RNF150: variants seen among roughly 807,000 people sequenced by gnomAD.
RNF150 encodes ring finger protein 150.
A neutral mutation model predicts 39.3 loss-of-function variants in RNF150; 24 were observed. That is an observed-to-expected ratio of 0.61 (90% CI 0.44 to 0.86). The LOEUF is 0.86. Ranked by LOEUF, RNF150 falls within the 40% of genes least tolerant of loss-of-function variation. The pLI, the probability that RNF150 is intolerant of heterozygous loss-of-function variation, is 0.00. For synonymous variants in RNF150, 255 were observed against 227.3 expected (o/e 1.12, Z -1.10); for missense variants, 502 against 587.8 (o/e 0.85, Z 1.51).
rs1349998282 is a variant in RNF150, at chr4:140,999,954, G to GA, written c.485-32082dup. Among the ~76,000 whole-genome samples the GA allele has an allele frequency of 1.9e-4, 7 of 37,036 alleles. 1 individual carries two copies. Among genetic ancestry groups the GA allele is most frequent in the Non-Finnish European group, 1.5e-4 (2 of 13,548 alleles). 24.3% of individuals were successfully genotyped at this position (37,036 alleles called of 152,430 possible). Reference sequence around the variant, plus strand: ...CTTGGTCTCAAAAAAAGAAGAAGAAGAAGAAGAAGAAGAAGAAGAAGAAAA... The same window carrying GA: ...CTTGGTCTCAAAAAAAGAAGAAGAAGAAAGAAGAAGAAGAAGAAGAAGAAAA... On this transcript the variant is annotated intron_variant, in intron 1 of 6. Transcript: ENST00000515673.
intron 1 of RNF150, among the ~76,000 whole-genome samples, chr4:141,002,397 T>A (rs188985666): frequency 1.3e-5 from 2 of 152,278 alleles, no homozygotes; most frequent in South Asian, 2.1e-4. Context: ...CCTTAATCCA[T>A]CTGCCTCCCC....
upstream of RNF150, among the ~76,000 whole-genome samples, chr4:141,133,875 A>G (rs1424289497): frequency 6.6e-6 from 1 of 152,116 alleles, no homozygotes; most frequent in African/African-American, 2.4e-5. Context: ...TTAGTTTTAA[A>G]ACTCAGACCG....
At chr4:141,152,907 G>A (rs1281802941) in intron 1 of RNF150, among the ~76,000 whole-genome samples, 1 of 152,110 alleles carries the variant, frequency 6.6e-6, no homozygotes, top group East Asian at 1.9e-4. Context: ...ATGTAAATGT[G>A]TGTCATGGTG....
chr4:140,917,393 G>C (rs1168416588), intron 5 of RNF150, among the ~76,000 whole-genome samples: 4 of 152,112 alleles, frequency 2.6e-5, no homozygotes, highest in Admixed American at 6.6e-5. Flanking sequence ...TGCAATCCTA[G>C]TCTCTGATAA....
chr4:141,123,240 T>C (rs1726660616), intron 1 of RNF150, among the ~76,000 whole-genome samples: 1 of 152,192 alleles, frequency 6.6e-6, no homozygotes, highest in Non-Finnish European at 1.5e-5. Context: ...CAGGGACTGC[T>C]CTAGGCTTGG....
At chr4:141,177,403 A>G (rs1727832045) in intron 1 of RNF150, among the ~76,000 whole-genome samples, 1 of 152,186 alleles carries the variant, frequency 6.6e-6, no homozygotes, top group Admixed American at 6.6e-5. Context: ...ACATTGGTGT[A>G]GAATGTAAAT....
intron 5 of RNF150, among the ~76,000 whole-genome samples, chr4:140,917,315 C>G (rs1233014913): frequency 3.3e-5 from 5 of 152,090 alleles, no homozygotes; most frequent in Admixed American, 3.3e-4. Flanking sequence ...CAGAGACACA[C>G]ATAGGCTCAA....
chr4:141,203,810 T>TG (rs71584398), intron 1 of RNF150, among the ~76,000 whole-genome samples: 33,976 of 151,790 alleles, frequency 0.22, 3,980 homozygotes, highest in South Asian at 0.32. Flanking sequence ...AGTCAGCTCA[T>TG]GTCTTCTTGG....
At chr4:141,006,773 T>C (rs918346935) in intron 1 of RNF150, among the ~76,000 whole-genome samples, 2 of 152,236 alleles carry the variant, frequency 1.3e-5, no homozygotes, top group East Asian at 3.8e-4. Flanking sequence ...CAGATCTCTT[T>C]TTATCTACTT....
rs1407139925 is a variant in RNF150, at chr4:140,862,750, T to C, written c.*5511A>G. ...TTGCAATCATGAGTATTTTAACTCA[T>C]GAGTATTTAATTCCTTAAAAATACA... On this transcript the variant is annotated 3_prime_UTR_variant, in exon 7 of 7. Coordinates refer to ENST00000515673, the MANE Select transcript of RNF150 (RefSeq NM_020724.2). The C allele has an allele frequency of 6.6e-6, 1 of 152,198 alleles. No homozygotes were observed. Among genetic ancestry groups the C allele is most frequent in the Non-Finnish European group, 1.5e-5 (1 of 68,036 alleles). 9.4% of individuals were successfully genotyped at this position (152,198 alleles called of 1,614,324 possible). A position where few individuals can be genotyped will look rare whatever the true frequency, so the allele number is the denominator to read the frequency against.
At chr4:140,906,935 C>T (rs1476133004) in intron 6 of RNF150, among the ~76,000 whole-genome samples, 4 of 152,118 alleles carry the variant, frequency 2.6e-5, no homozygotes, top group Non-Finnish European at 4.4e-5. Context: ...TCAACAATCT[C>T]CTTGAAAAAT....
At chr4:140,922,272 C>T (rs1479020158) in intron 5 of RNF150, among the ~76,000 whole-genome samples, 1 of 151,336 alleles carries the variant, frequency 6.6e-6, no homozygotes, top group Middle Eastern at 3.2e-3. Context: ...TCAGCGAAGT[C>T]TCAGGACATA....
At chr4:140,965,972 C>T (rs1373713145) in intron 2 of RNF150, among the ~76,000 whole-genome samples, 1 of 152,104 alleles carries the variant, frequency 6.6e-6, no homozygotes, top group East Asian at 1.9e-4. Flanking sequence ...AACCATTTTA[C>T]TGTCTGTATG....
intron 1 of RNF150, among the ~76,000 whole-genome samples, chr4:140,983,739 CTTT>C (rs35565844): frequency 3.1e-5 from 4 of 129,640 alleles, no homozygotes; most frequent in Admixed American, 7.8e-5. Flanking sequence ...GTATAACTGC[CTTT>C]TTTTTTTTTT....
intron 1 of RNF150, among the ~76,000 whole-genome samples, chr4:140,982,272 A>G (rs1733884040): frequency 6.6e-6 from 1 of 152,086 alleles, no homozygotes; most frequent in Non-Finnish European, 1.5e-5. Flanking sequence ...CACCTTATTC[A>G]TCATCATCAC....
intron 1 of RNF150, among the ~76,000 whole-genome samples, chr4:141,114,645 G>A (rs1001946723): frequency 6.6e-6 from 1 of 151,450 alleles, no homozygotes; most frequent in Non-Finnish European, 1.5e-5. Flanking sequence ...CCTTCCTAAT[G>A]CATTTTATGA....
chr4:141,171,529 A>G (rs1452311324), intron 1 of RNF150, among the ~76,000 whole-genome samples: 1 of 152,136 alleles, frequency 6.6e-6, no homozygotes, highest in South Asian at 2.1e-4. Flanking sequence ...GTGAGTGAGC[A>G]CAGAATGGGG....
At chr4:140,930,800 C>T (rs1373641917) in intron 4 of RNF150, among the ~76,000 whole-genome samples, 1 of 152,174 alleles carries the variant, frequency 6.6e-6, no homozygotes, top group Admixed American at 6.5e-5. Flanking sequence ...GTTACGTCAC[C>T]CCCGTGTTCC....
intron 1 of RNF150, among the ~76,000 whole-genome samples, chr4:141,112,918 C>T (rs1294337406): frequency 1.3e-5 from 2 of 151,882 alleles, no homozygotes; most frequent in Non-Finnish European, 2.9e-5. Context: ...AGGCTTTGTT[C>T]GTTCGTTTTC....
Sources: allele counts gnomAD v4.1 joint callset (sites outside exome capture counted in the v4.1 genomes callset), GRCh38; gene constraint gnomAD v4.1.1; transcripts MANE v1.5; gene names NCBI Gene and HGNC (gene_info 2026-07-23, HGNC 2026-07-21).